The following FER variants were observed in gnomAD, a reference collection of about 807,000 sequenced individuals.
FER encodes the protein tyrosine-protein kinase Fer.
In FER, 63 loss-of-function variants were observed where a neutral mutation model predicts 111.0. The observed-to-expected ratio is 0.57, with a 90% CI of 0.46 to 0.70. The LOEUF is 0.70. FER is among the 30% of genes least tolerant of loss of function. The pLI is 0.00. For missense variants in FER, 914 were observed against 954.0 expected, an observed-to-expected ratio of 0.96 and a Z score of 0.55; for synonymous variants, 327 against 313.9, an observed-to-expected ratio of 1.04 and a Z score of -0.44.
At chr5:108,917,869 C>T (rs1752467998) in intron 10 of FER, among the ~76,000 whole-genome samples, 1 of 152,152 alleles carries the variant, frequency 6.6e-6, no homozygotes, top group Admixed American at 6.5e-5. Context: ...AGACTGTGCT[C>T]CCTGAATAAG....
chr5:108,809,007 G>A (rs375108824), intron 3 of FER, among the ~76,000 whole-genome samples: 2 of 152,252 alleles, frequency 1.3e-5, no homozygotes, highest in South Asian at 2.1e-4. Context: ...CTTTTTCTCA[G>A]CTGCCTTTAA....
At chr5:108,779,222 T>A (rs1210089459) in intron 2 of FER, among the ~76,000 whole-genome samples, 1 of 152,164 alleles carries the variant, frequency 6.6e-6, no homozygotes. Flanking sequence ...TTATTGTAAG[T>A]CTTGAAACTG....
chr5:109,003,797 T>G (rs1273151620), intron 13 of FER, among the ~76,000 whole-genome samples: 2 of 151,938 alleles, frequency 1.3e-5, no homozygotes, highest in African/African-American at 4.8e-5. Context: ...CTAGGCATCA[T>G]AGAGAGACCC....
At position 108,766,723 on chromosome 5, in the gene FER, A is replaced by G. The variant is rs372606360; in HGVS notation, c.-205-1370A>G. Among the ~76,000 whole-genome samples the G allele has an allele frequency of 3.6e-4, 55 of 152,312 alleles. No individual in the cohort carries two copies. In the South Asian group the frequency reaches 0.011, roughly 31 times the overall value. Reference sequence around the variant, plus strand: ...ACATTTATGGAATGTCATCTGATTGATGTGAAAGTCAAGGCAGTAGAGGAA... The same window carrying G: ...ACATTTATGGAATGTCATCTGATTGGTGTGAAAGTCAAGGCAGTAGAGGAA... On this transcript the variant is annotated intron_variant, in intron 1 of 19. Coordinates refer to ENST00000281092, the MANE Select transcript of FER (RefSeq NM_005246.4).
intron 16 of FER, among the ~76,000 whole-genome samples, chr5:109,088,057 A>G (rs533118637): frequency 1.3e-5 from 2 of 152,090 alleles, no homozygotes; most frequent in South Asian, 4.1e-4. Context: ...TATATTGGCC[A>G]TAGTAAATCT....
At chr5:108,936,003 A>G (rs1209138298) in intron 10 of FER, among the ~76,000 whole-genome samples, 1 of 151,996 alleles carries the variant, frequency 6.6e-6, no homozygotes, top group Non-Finnish European at 1.5e-5. Flanking sequence ...GTCTTGCAAG[A>G]ACTATTTATT....
At chr5:109,035,740 C>T (rs928703761) in intron 13 of FER, among the ~76,000 whole-genome samples, 1 of 152,096 alleles carries the variant, frequency 6.6e-6, no homozygotes, top group Non-Finnish European at 1.5e-5. Context: ...GCTTTTTCTG[C>T]GTTGGGAAAA....
At chr5:109,007,417 A>T (rs921032937) in intron 13 of FER, among the ~76,000 whole-genome samples, 3 of 151,766 alleles carry the variant, frequency 2.0e-5, no homozygotes, top group African/African-American at 7.3e-5. Context: ...CCACAGTCAA[A>T]TTATAGAACA....
intron 12 of FER, among the ~76,000 whole-genome samples, chr5:108,958,412 C>T (rs1369935523): frequency 6.6e-6 from 1 of 151,708 alleles, no homozygotes; most frequent in Non-Finnish European, 1.5e-5. Flanking sequence ...TGCAATGCTT[C>T]TTGCTTTGAA....
intron 11 of FER, among the ~76,000 whole-genome samples, chr5:108,949,561 T>G (rs1757449601): frequency 6.6e-6 from 1 of 152,112 alleles, no homozygotes; most frequent in Non-Finnish European, 1.5e-5. Context: ...TAATTTGTAC[T>G]GTAATGGAAC....
chr5:108,924,439 A>G (rs1408826654), intron 10 of FER, among the ~76,000 whole-genome samples: 2 of 151,398 alleles, frequency 1.3e-5, no homozygotes, highest in Non-Finnish European at 2.9e-5. Context: ...ATGTACAAGG[A>G]TTTTCCGTTT....
chr5:108,976,868 ACTTTAT>A (rs1761417249), intron 13 of FER, among the ~76,000 whole-genome samples: 1 of 152,190 alleles, frequency 6.6e-6, no homozygotes, highest in Non-Finnish European at 1.5e-5. Context: ...AAGCAATTCA[ACTTTAT>A]CTTGTAATAT....
intron 13 of FER, among the ~76,000 whole-genome samples, chr5:108,965,483 A>T (rs1399060153): frequency 6.6e-6 from 1 of 152,228 alleles, no homozygotes; most frequent in Admixed American, 6.5e-5. Flanking sequence ...AGGAAAAAAA[A>T]CACTTGAGTA....
intron 4 of FER, among the ~76,000 whole-genome samples, chr5:108,833,413 A>G (rs969181096): frequency 6.6e-6 from 1 of 151,988 alleles, no homozygotes; most frequent in African/African-American, 2.4e-5. Context: ...AATGTATAAA[A>G]CAAGAGAGGA....
intron 3 of FER, among the ~76,000 whole-genome samples, chr5:108,799,384 T>A (rs1280554290): frequency 1.3e-5 from 2 of 152,244 alleles, no homozygotes; most frequent in Non-Finnish European, 2.9e-5. Flanking sequence ...GTCTTAGGAT[T>A]TGAGTAAATT....
chr5:109,087,755 TAATC>T (rs1162851337), intron 16 of FER, among the ~76,000 whole-genome samples: 1 of 151,804 alleles, frequency 6.6e-6, no homozygotes, highest in Non-Finnish European at 1.5e-5. Flanking sequence ...CTTTAAATAT[TAATC>T]AGCCTCAAAA....
At chr5:108,983,677 G>T (rs1280609670) in intron 13 of FER, among the ~76,000 whole-genome samples, 1 of 152,044 alleles carries the variant, frequency 6.6e-6, no homozygotes, top group Non-Finnish European at 1.5e-5. Flanking sequence ...AAGTCTGTGG[G>T]TGAAATTTGA....
intron 1 of FER, among the ~76,000 whole-genome samples, chr5:108,766,186 C>T (rs1752303431): frequency 6.6e-6 from 1 of 152,146 alleles, no homozygotes; most frequent in Non-Finnish European, 1.5e-5. Flanking sequence ...CCTGCCTTGG[C>T]CTCCCAAAGT....
At chr5:109,134,277 C>T (rs1045518278) in intron 17 of FER, among the ~76,000 whole-genome samples, 1 of 151,934 alleles carries the variant, frequency 6.6e-6, no homozygotes, top group African/African-American at 2.4e-5. Context: ...AAAAACTAAA[C>T]ACAGAACAGG....
Sources: allele counts gnomAD v4.1 joint callset (sites outside exome capture counted in the v4.1 genomes callset), GRCh38; gene constraint gnomAD v4.1.1; transcripts MANE v1.5; gene names NCBI Gene and HGNC (gene_info 2026-07-23, HGNC 2026-07-21).